The following LDLRAD4 variants were observed in gnomAD, a reference collection of about 807,000 sequenced individuals.
LDLRAD4 encodes the protein low-density lipoprotein receptor class A domain-containing protein 4.
Under a neutral mutation model 17.0 loss-of-function variants are expected in LDLRAD4, and 5 were observed. The observed-to-expected ratio is 0.29, with a 90% CI of 0.15 to 0.62. LDLRAD4 has a LOEUF of 0.62. Ranked by LOEUF, LDLRAD4 falls within the 20% of genes least tolerant of loss-of-function variation. LDLRAD4 has a pLI of 0.84. For missense variants in LDLRAD4, 340 were observed against 424.7 expected (o/e 0.80, Z 1.75); for synonymous variants, 168 against 171.8 (o/e 0.98, Z 0.17).
rs1284373187 is a variant in LDLRAD4 at position 13,622,744 on chromosome 18, G to A, written c.336+1473G>A. Among the ~76,000 whole-genome samples the A allele has an allele frequency of 2.6e-5, 4 of 152,218 alleles. No individual in the cohort carries two copies. The highest frequency in any genetic ancestry group is 6.5e-5 in the Admixed American group (1 of 15,284). On this transcript the variant is annotated intron_variant, in intron 4 of 5. Coordinates refer to ENST00000359446, the Ensembl canonical transcript of LDLRAD4. The surrounding 1 kb of genome is among the most constrained non-coding windows in gnomAD (Gnocchi z 5.3). ...CCTGTGTTTTGAGAGAGGACAGGGA[G>A]AAAATCTCATCACAGCAGCAGTTTC...
chr18:13,342,742 T>G (rs2082447839), intron 1 of LDLRAD4, among the ~76,000 whole-genome samples: 1 of 151,866 alleles, frequency 6.6e-6, no homozygotes. Flanking sequence ...AGATCCAAAG[T>G]TAGTCTCTTT....
At chr18:13,487,725 C>T (rs571217987) in intron 3 of LDLRAD4, 1 of 152,404 alleles carries the variant, frequency 6.6e-6, no homozygotes, top group Admixed American at 6.5e-5. Context: ...ACTGTAATGT[C>T]ATGTTGGGTG....
intron 3 of LDLRAD4, among the ~76,000 whole-genome samples, chr18:13,557,753 T>G (rs1283538390): frequency 6.6e-6 from 1 of 152,242 alleles, no homozygotes; most frequent in Admixed American, 6.5e-5. Context: ...GAGCTAAGAA[T>G]TGTAAAACAC....
intron 2 of LDLRAD4, among the ~76,000 whole-genome samples, chr18:13,397,218 A>G (rs527284727): frequency 6.6e-6 from 1 of 152,188 alleles, no homozygotes; most frequent in South Asian, 2.1e-4. Flanking sequence ...ATCTCAGCTC[A>G]CTGCAAGCTC....
intron 3 of LDLRAD4, among the ~76,000 whole-genome samples, chr18:13,448,475 C>A (rs2091573023): frequency 6.6e-6 from 1 of 152,196 alleles, no homozygotes; most frequent in Non-Finnish European, 1.5e-5. Context: ...CAGCGCCTGC[C>A]TGGCTGCGCT....
At chr18:13,470,515 C>A (rs2092739073) in intron 3 of LDLRAD4, among the ~76,000 whole-genome samples, 1 of 149,048 alleles carries the variant, frequency 6.7e-6, no homozygotes. Context: ...TGTCCTGGAG[C>A]CCTGAGCCCT....
intron 1 of LDLRAD4, among the ~76,000 whole-genome samples, chr18:13,355,963 G>C (rs2083312155): frequency 6.6e-6 from 1 of 152,214 alleles, no homozygotes; most frequent in Non-Finnish European, 1.5e-5. Context: ...TCTAGAAGCA[G>C]AGCCTGAGAT....
chr18:13,642,215 G>A (rs2042636700), intron 4 of LDLRAD4: 2 of 985,856 alleles, frequency 2.0e-6, no homozygotes, highest in African/African-American at 1.7e-5. Context: ...TGTTTCTTCC[G>A]CGCCGTCCCT....
At chr18:13,444,158 G>A (rs2091231228) in intron 3 of LDLRAD4, among the ~76,000 whole-genome samples, 1 of 152,202 alleles carries the variant, frequency 6.6e-6, no homozygotes, top group Non-Finnish European at 1.5e-5. Flanking sequence ...CTGCACAGGT[G>A]ACCACTGAGA....
chr18:13,306,564 A>G lies in LDLRAD4; in HGVS notation c.-383+28376A>G, dbSNP rs138217974. The stretch of plus-strand genomic sequence containing the variant: ...CTCAAAAGGACCTTTAAGGCTCATT[A>G]CACACGGCGTTCTATGGAAAGGATA... On this transcript the variant is annotated intron_variant, in intron 1 of 5. Coordinates refer to ENST00000359446, the Ensembl canonical transcript of LDLRAD4. 6.0e-3 allele frequency among the ~76,000 whole-genome samples: 913 copies of G among 152,328 alleles called. 7 individuals are homozygous for G. Among genetic ancestry groups the G allele is most frequent in the African/African-American group, 0.021 (867 of 41,572 alleles).
chr18:13,472,109 C>T lies in LDLRAD4; in HGVS notation c.181+33725C>T, dbSNP rs79891419. 1,517 of 152,330 alleles carry T rather than the reference C, an allele frequency of 1.0e-2. 16 individuals are homozygous for T. The highest frequency in any genetic ancestry group is 0.015 in the Non-Finnish European group (1,026 of 68,038). 9.4% of individuals were successfully genotyped at this position (152,330 alleles called of 1,614,324 possible). ...CTCCCAGCCAACCCCCTCCCCAGAC[C>T]GAGGGTGGACGGGCCTGGCCGTCAG... On this transcript the variant is annotated intron_variant, in intron 3 of 5. Coordinates refer to ENST00000359446, the Ensembl canonical transcript of LDLRAD4.
At chr18:13,439,079 A>C (rs2090855822) in intron 3 of LDLRAD4, among the ~76,000 whole-genome samples, 1 of 152,206 alleles carries the variant, frequency 6.6e-6, no homozygotes, top group African/African-American at 2.4e-5. Flanking sequence ...ATCTTTCTGC[A>C]GTTGCACACC....
At chr18:13,450,337 C>CAAA (rs58528433) in intron 3 of LDLRAD4, among the ~76,000 whole-genome samples, 29 of 115,596 alleles carry the variant, frequency 2.5e-4, no homozygotes, top group African/African-American at 4.9e-4. Context: ...CCCCCCCCCC[C>CAAA]AAAAAAACAC....
intron 2 of LDLRAD4, among the ~76,000 whole-genome samples, chr18:13,390,350 C>T (rs181322295): frequency 2.0e-5 from 3 of 152,320 alleles, no homozygotes; most frequent in East Asian, 3.9e-4. Flanking sequence ...ACCAACACAG[C>T]GCCGCGCGGG....
chr18:13,285,202 G>A (rs2045551437), intron 1 of LDLRAD4, among the ~76,000 whole-genome samples: 1 of 152,236 alleles, frequency 6.6e-6, no homozygotes, highest in Non-Finnish European at 1.5e-5. Flanking sequence ...AGGGGCATCT[G>A]TGAATTCCTT....
intron 2 of LDLRAD4, among the ~76,000 whole-genome samples, chr18:13,409,725 A>C (rs1236709045): frequency 2.6e-5 from 4 of 152,214 alleles, no homozygotes; most frequent in African/African-American, 9.6e-5. Flanking sequence ...TCCAGTTAGT[A>C]CATGTAGAAG....
intron 3 of LDLRAD4, among the ~76,000 whole-genome samples, chr18:13,619,158 C>A (rs920960077): frequency 6.6e-6 from 1 of 152,138 alleles, no homozygotes; most frequent in African/African-American, 2.4e-5. Context: ...TTAGCTGCCT[C>A]CCGTGTCAAG....
exon 6 of LDLRAD4, chr18:13,650,449 T>C (rs947421603): frequency 7.5e-6 from 3 of 398,324 alleles, no homozygotes; most frequent in Middle Eastern, 6.3e-4. Flanking sequence ...ATTATATATA[T>C]GTAGATATAC....
intron 3 of LDLRAD4, among the ~76,000 whole-genome samples, chr18:13,512,166 T>C (rs2093792032): frequency 6.6e-6 from 1 of 152,238 alleles, no homozygotes; most frequent in African/African-American, 2.4e-5. Flanking sequence ...ACAGGGTAGA[T>C]ATAGGCTGAG....
Sources: allele counts gnomAD v4.1 joint callset (sites outside exome capture counted in the v4.1 genomes callset), GRCh38; gene constraint gnomAD v4.1.1; non-coding constraint Gnocchi (gnomAD v3.1); transcripts MANE v1.5; gene names NCBI Gene and HGNC (gene_info 2026-07-23, HGNC 2026-07-21).